Variants in CNTN1 observed in about 807,000 individuals in gnomAD.
The protein encoded by CNTN1 is contactin-1.
CNTN1 carries 38 observed loss-of-function variants against 126.4 expected under a neutral mutation model. The ratio of observed to expected loss-of-function variants is 0.30; its 90% confidence interval spans 0.23 to 0.39. The LOEUF (loss-of-function observed/expected upper bound fraction) is 0.39. Among genes scored for constraint, CNTN1 ranks in the 10% least tolerant of loss-of-function variants. The pLI is 1.00. For synonymous variants in CNTN1, 413 were observed against 422.6 expected (o/e 0.98, Z 0.28); for missense variants, 1,009 against 1,248.4 (o/e 0.81, Z 2.89).
intron 1 of CNTN1, among the ~76,000 whole-genome samples, chr12:40,851,379 G>A (rs1942709954): frequency 6.6e-6 from 1 of 152,130 alleles, no homozygotes; most frequent in Non-Finnish European, 1.5e-5. Flanking sequence ...ACTCACATGT[G>A]CACACACATG....
At chr12:40,943,024 A>G (rs1005148011) in intron 12 of CNTN1, among the ~76,000 whole-genome samples, 1 of 152,144 alleles carries the variant, frequency 6.6e-6, no homozygotes, top group Non-Finnish European at 1.5e-5. Flanking sequence ...GAGTTTCTAT[A>G]CAATAAAACT....
At chr12:41,044,898 A>C (rs1264355730) in intron 23 of CNTN1, among the ~76,000 whole-genome samples, 1 of 152,086 alleles carries the variant, frequency 6.6e-6, no homozygotes, top group Non-Finnish European at 1.5e-5. Context: ...TGTTTCTCTT[A>C]CCTGTAAGTA....
intron 1 of CNTN1, among the ~76,000 whole-genome samples, chr12:40,868,449 A>T (rs1007582881): frequency 1.3e-5 from 2 of 152,146 alleles, no homozygotes; most frequent in African/African-American, 4.8e-5. Flanking sequence ...CTGAATCTGA[A>T]CCCAGAATGC....
intron 17 of CNTN1, among the ~76,000 whole-genome samples, chr12:41,009,285 G>A (rs1948586477): frequency 6.6e-6 from 1 of 152,208 alleles, no homozygotes; most frequent in South Asian, 2.1e-4. Flanking sequence ...GGAGCCTGCT[G>A]TCTGTTAACC....
intron 15 of CNTN1, among the ~76,000 whole-genome samples, chr12:40,970,459 T>C (rs1947469946): frequency 2.0e-5 from 3 of 152,118 alleles, no homozygotes; most frequent in Admixed American, 6.6e-5. Context: ...CAACAAGCAG[T>C]CAGCATAGGC....
chr12:40,907,035 G>T (rs1190000218), intron 1 of CNTN1, among the ~76,000 whole-genome samples: 1 of 152,014 alleles, frequency 6.6e-6, no homozygotes, highest in East Asian at 1.9e-4. Flanking sequence ...TTTCAGTTAT[G>T]CTATTATATA....
chr12:40,833,063 C>CT (rs140639210), intron 1 of CNTN1, among the ~76,000 whole-genome samples: 5,284 of 149,368 alleles, frequency 0.035, 299 homozygotes, highest in African/African-American at 0.12. Context: ...AACAAGTTAT[C>CT]TTTTTTTTTT....
At chr12:40,796,873 C>T (rs1452856413) in intron 1 of CNTN1, among the ~76,000 whole-genome samples, 1 of 151,940 alleles carries the variant, frequency 6.6e-6, no homozygotes, top group Non-Finnish European at 1.5e-5. Flanking sequence ...GCTTGGCAAG[C>T]CAAGGAGACA....
At chr12:40,700,589 T>G (rs1371724747) in intron 1 of CNTN1, among the ~76,000 whole-genome samples, 1 of 152,138 alleles carries the variant, frequency 6.6e-6, no homozygotes, top group Non-Finnish European at 1.5e-5. Context: ...TGTTCAACTT[T>G]AGTCTTCAGG....
chr12:40,972,354 C>T, intron 15 of CNTN1: 1 of 984,028 alleles, frequency 1.0e-6, no homozygotes, highest in Non-Finnish European at 1.2e-6. Flanking sequence ...TTTGAAAATA[C>T]CTTCACTTTC....
At chr12:40,994,189 T>G (rs1181761362) in intron 17 of CNTN1, among the ~76,000 whole-genome samples, 2 of 152,074 alleles carry the variant, frequency 1.3e-5, no homozygotes, top group Non-Finnish European at 2.9e-5. Context: ...GCAACAAAAT[T>G]CCAAGAAAGA....
intron 1 of CNTN1, among the ~76,000 whole-genome samples, chr12:40,817,035 T>G (rs573736007): frequency 1.3e-5 from 2 of 152,318 alleles, no homozygotes; most frequent in East Asian, 3.9e-4. Flanking sequence ...TTTCCATTAT[T>G]TTGCATTTGC....
intron 1 of CNTN1, among the ~76,000 whole-genome samples, chr12:40,848,111 C>T (rs750145992): frequency 2.6e-5 from 4 of 152,112 alleles, no homozygotes; most frequent in Admixed American, 6.5e-5. Flanking sequence ...CCTGGGGTTT[C>T]GGGACCCCTG....
intron 15 of CNTN1, among the ~76,000 whole-genome samples, chr12:40,970,642 A>G (rs1947476390): frequency 6.6e-6 from 1 of 152,182 alleles, no homozygotes. Context: ...CTGTATTAAT[A>G]TACACATACT....
chr12:41,020,491 C>T lies in CNTN1; in HGVS notation c.2523+51C>T, dbSNP rs188219983. 7.7e-4 allele frequency: 887 copies of T among 1,154,162 alleles called. 3 individuals are homozygous for T. The African/African-American group carries it at 0.012, about 15-fold the overall frequency. 71.5% of individuals were successfully genotyped at this position (1,154,162 alleles called of 1,614,324 possible). On this transcript the variant is annotated intron_variant, in intron 20 of 23. Transcript: ENST00000551295. ...ATACATTTATTCATAAATATATAAG[C>T]ATACGTTTTCAAATGTGTTGTATGT...
chr12:40,827,220 A>G (rs1362481170), intron 1 of CNTN1, among the ~76,000 whole-genome samples: 1 of 151,870 alleles, frequency 6.6e-6, no homozygotes, highest in Non-Finnish European at 1.5e-5. Context: ...GTGTTCTTAG[A>G]AGCTTAAATT....
At chr12:40,718,388 C>G (rs1415685285) in intron 1 of CNTN1, among the ~76,000 whole-genome samples, 1 of 151,880 alleles carries the variant, frequency 6.6e-6, no homozygotes, top group African/African-American at 2.4e-5. Context: ...GCCGTGTTGG[C>G]CAGGATGGTC....
chr12:41,051,820 GA>G (rs1566222978), intron 23 of CNTN1, among the ~76,000 whole-genome samples: 1 of 151,630 alleles, frequency 6.6e-6, no homozygotes, highest in African/African-American at 2.4e-5. Context: ...GATCTTGTAA[GA>G]GGAAGAATGC....
At chr12:40,972,817 C>T (rs1253605194) in intron 15 of CNTN1, 7 of 179,176 alleles carry the variant, frequency 3.9e-5, no homozygotes, top group Non-Finnish European at 3.2e-5. Context: ...GGGCATCTTT[C>T]CATGTAGTCC....
Sources: gnomAD v4.1 joint callset for allele counts (sites outside exome capture counted in the v4.1 genomes callset) on GRCh38, gnomAD v4.1.1 for gene constraint, MANE v1.5 for transcripts, NCBI Gene and HGNC (gene_info 2026-07-23, HGNC 2026-07-21) for gene names.